Variants in KDM4B observed in about 807,000 individuals in gnomAD.
KDM4B encodes the protein lysine demethylase 4B, also known as lysine-specific demethylase 4B.
In KDM4B, 32 loss-of-function variants were observed where a neutral mutation model predicts 125.2. The observed-to-expected ratio is 0.26, with a 90% confidence interval of 0.19 to 0.34. The LOEUF (loss-of-function observed/expected upper bound fraction) is 0.34, where lower values mean the gene tolerates loss of function less well. KDM4B is among the 10% of genes least tolerant of loss of function. The pLI, the probability that KDM4B is intolerant of heterozygous loss-of-function variation, is 1.00. For missense variants in KDM4B, 1,190 were observed against 1,577.7 expected (o/e 0.75, Z 4.16); for synonymous variants, 721 against 677.9 (o/e 1.06, Z -0.99).
intron 6 of KDM4B, among the ~76,000 whole-genome samples, chr19:5,048,059 C>G (rs2037085189): frequency 6.6e-6 from 1 of 152,228 alleles, no homozygotes; most frequent in African/African-American, 2.4e-5. Flanking sequence ...CCCAGAGGGG[C>G]CTGGCCAGGA....
intron 1 of KDM4B, among the ~76,000 whole-genome samples, chr19:4,993,142 G>T (rs1048656712): frequency 3.3e-5 from 5 of 152,158 alleles, no homozygotes; most frequent in Admixed American, 6.5e-5. Context: ...GGGCATGGGG[G>T]CTCATGCCTG....
In KDM4B at chr19:5,151,345, C is replaced by T. The variant is rs200961372; in HGVS notation, c.3125C>T (p.Thr1042Met). Residue 1042 changes from threonine to methionine, a missense_variant, in exon 23 of 23, where the codon ACG becomes ATG. By Grantham distance (81) the Thr-to-Met change is moderately conservative (BLOSUM62 -1). This residue lies in a region of KDM4B where 109 missense variants were observed against 93.8 expected (regional missense o/e 1.16). Coordinates refer to ENST00000159111, the MANE Select transcript of KDM4B (RefSeq NM_015015.3). Reference sequence around the variant, plus strand: ...TCCGCTCTCCCGCAGTCACTGAGCACGGGGGCACCGCAGGAGCCCGCCTTC... The same window carrying T: ...TCCGCTCTCCCGCAGTCACTGAGCATGGGGGCACCGCAGGAGCCCGCCTTC... ...KRVRSRLSLS[T>M]GAPQEPAFSG... 122 of 1,562,304 alleles carry T rather than the reference C, an allele frequency of 7.8e-5. No individual in the cohort carries two copies. Among genetic ancestry groups the T allele is most frequent in the East Asian group, 1.9e-4 (8 of 41,508 alleles).
chr19:5,017,775 C>T (rs555300639), intron 2 of KDM4B, among the ~76,000 whole-genome samples: 2 of 152,282 alleles, frequency 1.3e-5, no homozygotes, highest in South Asian at 4.1e-4. Context: ...GAGTCTCCCT[C>T]TGTCACCCAG....
chr19:5,020,711 A>G (rs1334862098), intron 2 of KDM4B, among the ~76,000 whole-genome samples: 1 of 152,104 alleles, frequency 6.6e-6, no homozygotes, highest in Non-Finnish European at 1.5e-5. Flanking sequence ...ATTGAATCGT[A>G]ATGGTTTCTT....
chr19:4,978,858 G>A (rs2034544846), intron 1 of KDM4B, among the ~76,000 whole-genome samples: 1 of 152,222 alleles, frequency 6.6e-6, no homozygotes, highest in Non-Finnish European at 1.5e-5. Flanking sequence ...CTCTGAGTGG[G>A]TTTGCATTGT....
intron 1 of KDM4B, among the ~76,000 whole-genome samples, chr19:4,972,622 A>G (rs564879836): frequency 6.6e-6 from 1 of 152,336 alleles, no homozygotes; most frequent in South Asian, 2.1e-4. Flanking sequence ...TCCCCTGGGA[A>G]GCACTGTCAA....
At chr19:5,101,146 C>T (rs2038923312) in intron 9 of KDM4B, among the ~76,000 whole-genome samples, 1 of 147,946 alleles carries the variant, frequency 6.8e-6, no homozygotes, top group Non-Finnish European at 1.5e-5. Flanking sequence ...CACTTGAACC[C>T]AGGAGGCAGA....
intron 1 of KDM4B, among the ~76,000 whole-genome samples, chr19:4,980,167 A>G (rs937942088): frequency 6.6e-6 from 1 of 151,750 alleles, no homozygotes; most frequent in Admixed American, 6.6e-5. Flanking sequence ...AACCGTCACC[A>G]CTATCAAATG....
chr19:5,079,067 C>T (rs35469100), intron 8 of KDM4B: 10,232 of 152,266 alleles, frequency 0.067, 440 homozygotes, highest in Middle Eastern at 0.14. Flanking sequence ...CAAGTGACTC[C>T]CCACACTCCC....
intron 1 of KDM4B, among the ~76,000 whole-genome samples, chr19:5,004,674 G>A (rs1390554421): frequency 6.6e-6 from 1 of 152,154 alleles, no homozygotes; most frequent in Non-Finnish European, 1.5e-5. Context: ...TGCTCCCTGG[G>A]AGTCCCCGTA....
intron 9 of KDM4B, among the ~76,000 whole-genome samples, chr19:5,091,659 C>T (rs1054474868): frequency 2.0e-5 from 3 of 152,062 alleles, no homozygotes; most frequent in Non-Finnish European, 4.4e-5. Flanking sequence ...ACTGTGTGTT[C>T]CTTCTGTTTG....
chr19:5,008,325 C>T lies in KDM4B; in HGVS notation c.-108-7932C>T, dbSNP rs73540679. On this transcript the variant is annotated intron_variant, in intron 1 of 22. Transcript: ENST00000159111. ...TTATTGAAAATCACCTGACTTTAAG[C>T]GTGTGGGTTTATTTCTGGACTCTCA... Among the ~76,000 whole-genome samples the T allele has an allele frequency of 9.8e-3, 1,491 of 152,232 alleles. 30 individuals are homozygous for T. Among genetic ancestry groups the T allele is most frequent in the African/African-American group, 0.034 (1,426 of 41,546 alleles).
chr19:5,062,774 TG>T (rs2037645284), intron 6 of KDM4B, among the ~76,000 whole-genome samples: 5 of 126,856 alleles, frequency 3.9e-5, no homozygotes, highest in African/African-American at 5.8e-5. Context: ...ATAATTAAAC[TG>T]TTTTTTTTTT....
rs546910028 is a variant in KDM4B, at chr19:5,054,882, C to T, written c.626+7213C>T. The stretch of plus-strand genomic sequence containing the variant: ...CTCGCTCTTGTCACTACCACTCTGT[C>T]GGCCTGACGCCATCAGCCCAGGCCT... On this transcript the variant is annotated intron_variant, in intron 6 of 22. Transcript: ENST00000159111. 5.9e-5 allele frequency among the ~76,000 whole-genome samples: 9 copies of T among 152,354 alleles called. No homozygotes were observed. In the South Asian group the frequency reaches 6.2e-4, roughly 11 times the overall value.
At chr19:5,083,306 G>A (rs1254338393) in intron 9 of KDM4B, among the ~76,000 whole-genome samples, 3 of 152,198 alleles carry the variant, frequency 2.0e-5, no homozygotes, top group Admixed American at 2.0e-4. Context: ...GGGCACGGGT[G>A]GGACGGGGTC....
At chr19:5,040,121 C>T (rs748492259) in intron 4 of KDM4B, 110 bp downstream of exon 4, 115 of 1,210,608 alleles carry the variant, frequency 9.5e-5, no homozygotes, top group African/African-American at 1.2e-4. Context: ...ACAGCATGGC[C>T]GGCCTGCTCT....
rs564641748 is a variant in KDM4B, at chr19:5,066,409, C to T, written c.627-4601C>T. 1.4e-3 allele frequency among the ~76,000 whole-genome samples: 218 copies of T among 151,158 alleles called. 1 individual carries two copies. The highest frequency in any genetic ancestry group is 4.9e-3 in the African/African-American group (201 of 41,268). ...CGCCTCACATGTGTCTCCCCATGGG[C>T]CTAGGAGGTCACTGTGCTGCCTCAC... On this transcript the variant is annotated intron_variant, in intron 6 of 22. Coordinates refer to ENST00000159111, the MANE Select transcript of KDM4B (RefSeq NM_015015.3).
rs1040449220 is a variant in KDM4B at position 5,150,386 on chromosome 19, C to T, written c.3050C>T (p.Thr1017Met). ...QVEFEDGSQL[T>M]VKRGDIFTLE... ...GAGTTTGAGGACGGGTCCCAGCTGA[C>T]GGTGAAGCGTGGGGACATCTTCACC... Residue 1017 changes from threonine to methionine, a missense_variant, in exon 22 of 23, where the codon ACG (threonine) becomes ATG (methionine). Physicochemically the swap from Thr to Met is moderately conservative, Grantham distance 81. This residue lies in a region of KDM4B where 298 missense variants were observed against 439.7 expected (regional missense o/e 0.68). Coordinates refer to ENST00000159111, the MANE Select transcript of KDM4B (RefSeq NM_015015.3). The T allele has an allele frequency of 5.8e-6, 9 of 1,551,356 alleles. No homozygotes were observed. Among genetic ancestry groups the T allele is most frequent in the Admixed American group, 2.0e-5 (1 of 51,008 alleles).
At chr19:5,088,694 G>T (rs1306189849) in intron 9 of KDM4B, among the ~76,000 whole-genome samples, 1 of 148,774 alleles carries the variant, frequency 6.7e-6, no homozygotes, top group Non-Finnish European at 1.5e-5. Context: ...GCAGGTTGTG[G>T]TTATAGGGGC....
Sources: allele counts gnomAD v4.1 joint callset (sites outside exome capture counted in the v4.1 genomes callset), GRCh38; gene constraint gnomAD v4.1.1; regional missense constraint gnomAD v4.1.1; transcripts MANE v1.5; gene names NCBI Gene and HGNC (gene_info 2026-07-23, HGNC 2026-07-21).